The following FBLN2 variants were observed in gnomAD, a reference collection of about 807,000 sequenced individuals.
The protein encoded by FBLN2 is fibulin-2.
Under a neutral mutation model 123.7 loss-of-function variants are expected in FBLN2, and 81 were observed. That is an observed-to-expected ratio of 0.65 (90% CI 0.55 to 0.79). The LOEUF (loss-of-function observed/expected upper bound fraction) is 0.79. FBLN2 is among the 30% of genes least tolerant of loss of function. The pLI, the probability that FBLN2 is intolerant of heterozygous loss-of-function variation, is 0.00. For missense variants in FBLN2, 1,603 were observed against 1,681.3 expected, an observed-to-expected ratio of 0.95 and a Z score of 0.81; for synonymous variants, 699 against 701.4, an observed-to-expected ratio of 1.00 and a Z score of 0.05.
At chr3:13,596,055 A>G (rs773501682) in intron 2 of FBLN2, among the ~76,000 whole-genome samples, 3 of 152,212 alleles carry the variant, frequency 2.0e-5, no homozygotes, top group Non-Finnish European at 2.9e-5. Context: ...AAAATTCTTC[A>G]TAGTACATGT....
At chr3:13,569,135 TGGAGGAG>T in intron 1 of FBLN2, 1 of 850,732 alleles carries the variant, frequency 1.2e-6, no homozygotes, top group Non-Finnish European at 1.4e-6. Flanking sequence ...TGGGCCAGGG[TGGAGGAG>T]GGAGGAGGCA....
chr3:13,628,059 G>T, intron 11 of FBLN2, 90 bp downstream of exon 11: 2 of 1,474,996 alleles, frequency 1.4e-6, no homozygotes, highest in Non-Finnish European at 1.8e-6. Context: ...GACCAGGGAG[G>T]CCTGGCTTGC....
intron 2 of FBLN2, among the ~76,000 whole-genome samples, chr3:13,592,274 C>G (rs1704702707): frequency 6.6e-6 from 1 of 152,096 alleles, no homozygotes; most frequent in Non-Finnish European, 1.5e-5. Context: ...AATCCACCCA[C>G]CTCAGCCTCC....
At chr3:13,567,596 G>A (rs1207020034) in intron 1 of FBLN2, among the ~76,000 whole-genome samples, 1 of 152,160 alleles carries the variant, frequency 6.6e-6, no homozygotes, top group Admixed American at 6.5e-5. Flanking sequence ...GACCTCAAGT[G>A]ATCCGCCTGT....
intron 2 of FBLN2, among the ~76,000 whole-genome samples, chr3:13,577,222 C>CAAAAAA (rs34445954): frequency 1.7e-5 from 1 of 59,936 alleles, no homozygotes; most frequent in Non-Finnish European, 3.4e-5. Flanking sequence ...GACTCCGTCT[C>CAAAAAA]AAAAAAAAAA....
chr3:13,567,213 G>T (rs1338656518), intron 1 of FBLN2, among the ~76,000 whole-genome samples: 2 of 152,168 alleles, frequency 1.3e-5, no homozygotes, highest in Non-Finnish European at 2.9e-5. Context: ...AGGGTGGGCT[G>T]GGAAGGAAGT....
intron 2 of FBLN2, among the ~76,000 whole-genome samples, chr3:13,590,096 C>T (rs1310369576): frequency 1.3e-5 from 2 of 152,180 alleles, no homozygotes; most frequent in African/African-American, 4.8e-5. Context: ...TTTCCTGGTG[C>T]CCTTTCTCAG....
In FBLN2 at chr3:13,631,406, G is replaced by A; in HGVS notation, c.3163G>A (p.Ala1055Thr). ...CLNVPGSYQC[A>T]CPEQGYTMTA... is the part of the protein sequence containing the mutation. Reference sequence around the variant, plus strand: ...CAACGTGCCAGGGAGCTACCAGTGTGCATGCCCTGAGCAGGGCTACACCAT... The same window carrying A: ...CAACGTGCCAGGGAGCTACCAGTGTACATGCCCTGAGCAGGGCTACACCAT... The change falls in exon 16 of 18, where the codon GCA (alanine) becomes ACA (threonine). Residue 1055 changes from alanine (A) to threonine (T), a missense_variant. By Grantham distance (58) the Ala-to-Thr change is moderately conservative. Transcript: ENST00000404922. The A allele has an allele frequency of 6.2e-7, 1 of 1,601,344 alleles. No homozygotes were observed. The highest frequency in any genetic ancestry group is 2.3e-5 in the East Asian group (1 of 44,366).
At chr3:13,619,046 C>G in intron 7 of FBLN2, 29 bp downstream of exon 7, 5 of 1,552,116 alleles carry the variant, frequency 3.2e-6, no homozygotes, top group Non-Finnish European at 4.4e-6. Flanking sequence ...GTCTCCAGGA[C>G]AGGGCCCAGG....
At chr3:13,591,578 A>T (rs558164928) in intron 2 of FBLN2, among the ~76,000 whole-genome samples, 52 of 152,286 alleles carry the variant, frequency 3.4e-4, no homozygotes, top group African/African-American at 1.2e-3. Context: ...GTGAGCCACC[A>T]CACCCGGCCA....
At chr3:13,617,406 CCATCTACTCATCCATT>C (rs1361677563) in intron 5 of FBLN2, among the ~76,000 whole-genome samples, 1 of 151,886 alleles carries the variant, frequency 6.6e-6, no homozygotes, top group African/African-American at 2.4e-5. Flanking sequence ...ATCCATCTAT[CCATCTACTCATCCATT>C]CATCTACCCA....
chr3:13,609,125 G>T (rs1368492158), intron 3 of FBLN2, among the ~76,000 whole-genome samples: 1 of 152,206 alleles, frequency 6.6e-6, no homozygotes, highest in Non-Finnish European at 1.5e-5. Flanking sequence ...AGCCACCTCT[G>T]CCCCAGGCAG....
Position 13,621,995 on chromosome 3 carries a change from A to G in FBLN2, c.2296+80A>G, listed in dbSNP as rs557040081. On this transcript the variant is annotated intron_variant, in intron 9 of 17. Coordinates refer to ENST00000404922, the MANE Select transcript of FBLN2 (RefSeq NM_001004019.2). ...GCCAAGCCCACCACACTGTGGCCAC[A>G]TGCCAAAGGGCCTGCCCTTTGCATG... The G allele has an allele frequency of 5.0e-5, 76 of 1,509,778 alleles. 1 individual carries two copies. In the African/African-American group the frequency reaches 9.3e-4, roughly 18 times the overall value. The allele number at this position is 1,509,778 out of a possible 1,614,324, so 93.5% of individuals were successfully genotyped here. A position where few individuals can be genotyped will look rare whatever the true frequency, so the allele number is the denominator to read the frequency against.
At position 13,550,770 on chromosome 3, in the gene FBLN2, C is replaced by T. The variant is rs574106115; in HGVS notation, c.-42+1562C>T. Among the ~76,000 whole-genome samples, 38 of 152,322 alleles carry T rather than the reference C, an allele frequency of 2.5e-4. No homozygotes were observed. In the South Asian group the frequency reaches 6.8e-3, roughly 27 times the overall value. On this transcript the variant is annotated intron_variant, in intron 1 of 17. Transcript: ENST00000404922. ...GACTTCCCGCCCTCCCCTTCTGCAG[C>T]TGAGCTGTGTGATGGGGGTGAGCAG...
In FBLN2 at chr3:13,637,635, C is replaced by T. The variant is rs1706524394; in HGVS notation, c.3412C>T (p.Leu1138Phe). The part of the protein sequence containing the change: ...NSPARITHYQ[L>F]NFQTGLLVPA... ...GCCAGCGCGCATCACGCACTACCAG[C>T]TCAACTTCCAGACGGGCCTCCTGGT... Residue 1138 changes from leucine (L) to phenylalanine (F), a missense_variant, in exon 18 of 18, where the codon CTC becomes TTC. Physicochemically the swap from Leu to Phe is conservative, Grantham distance 22. Transcript: ENST00000404922. 1 of 1,613,906 alleles carries T rather than the reference C, an allele frequency of 6.2e-7. No homozygotes were observed. Among genetic ancestry groups the T allele is most frequent in the Non-Finnish European group, 8.5e-7 (1 of 1,179,906 alleles).
At chr3:13,622,204 G>A (rs1252261845) in intron 9 of FBLN2, among the ~76,000 whole-genome samples, 1 of 152,164 alleles carries the variant, frequency 6.6e-6, no homozygotes, top group Non-Finnish European at 1.5e-5. Context: ...GGAAAATGAG[G>A]GGGTCAGACA....
At position 13,629,067 on chromosome 3, in the gene FBLN2, G is replaced by A. The variant is rs779511006; in HGVS notation, c.2713+19G>A. The A allele has an allele frequency of 8.7e-6, 14 of 1,612,598 alleles. No individual in the cohort carries two copies. Among genetic ancestry groups the A allele is most frequent in the East Asian group, 4.5e-5 (2 of 44,870 alleles). On this transcript the variant is annotated intron_variant, in intron 12 of 17. Transcript: ENST00000404922. ...TGTGTGGGTAAGGCCAGCCGCCTCCGCCCTGCCAGCCAGCCCGGCCTGCCC... is the reference window on the plus strand; with the variant it reads ...TGTGTGGGTAAGGCCAGCCGCCTCCACCCTGCCAGCCAGCCCGGCCTGCCC...
At chr3:13,585,677 G>A (rs930138614) in intron 2 of FBLN2, among the ~76,000 whole-genome samples, 1 of 152,182 alleles carries the variant, frequency 6.6e-6, no homozygotes, top group Admixed American at 6.5e-5. Context: ...TGTAATCCCA[G>A]CACTTTGGGA....
chr3:13,624,186 C>T (rs1160280312), intron 9 of FBLN2, among the ~76,000 whole-genome samples: 2 of 152,182 alleles, frequency 1.3e-5, no homozygotes, highest in Non-Finnish European at 2.9e-5. Context: ...CTCTGGCTTC[C>T]GTTCTTGATC....
Sources: gnomAD v4.1 joint callset for allele counts (sites outside exome capture counted in the v4.1 genomes callset) on GRCh38, gnomAD v4.1.1 for gene constraint, MANE v1.5 for transcripts, NCBI Gene and HGNC (gene_info 2026-07-23, HGNC 2026-07-21) for gene names.